Variants in SLC38A10 observed in about 807,000 individuals in gnomAD.
SLC38A10 encodes the protein solute carrier family 38 member 10.
Under a neutral mutation model 81.0 loss-of-function variants are expected in SLC38A10, and 53 were observed. That is an observed-to-expected ratio of 0.65 (90% CI 0.53 to 0.82). The LOEUF (loss-of-function observed/expected upper bound fraction) is 0.82, where lower values mean the gene tolerates loss of function less well. Among genes scored for constraint, SLC38A10 ranks in the 40% least tolerant of loss-of-function variants. The pLI, the probability that SLC38A10 is intolerant of heterozygous loss-of-function variation, is 0.00. For synonymous variants in SLC38A10, 665 were observed against 655.3 expected (o/e 1.01, Z -0.23); for missense variants, 1,471 against 1,545.0 (o/e 0.95, Z 0.80).
intron 8 of SLC38A10, among the ~76,000 whole-genome samples, chr17:81,275,462 G>A (rs946121311): frequency 7.9e-5 from 12 of 152,056 alleles, no homozygotes; most frequent in Admixed American, 2.6e-4. Context: ...GGCCGGGCGC[G>A]GTGGCTCACG....
chr17:81,255,389 C>A (rs953083247), intron 11 of SLC38A10, among the ~76,000 whole-genome samples: 4 of 152,222 alleles, frequency 2.6e-5, no homozygotes, highest in Admixed American at 1.3e-4. Flanking sequence ...AAAACTAACA[C>A]AAAACTTCAA....
Position 81,246,580 on chromosome 17 carries a change from AG to A in SLC38A10, c.2335del (p.Leu779CysfsTer55). 1.3e-6 allele frequency: 2 copies of A among 1,517,040 alleles called. No homozygotes were observed. Among genetic ancestry groups the A allele is most frequent in the Non-Finnish European group, 1.8e-6 (2 of 1,134,832 alleles). The allele number at this position is 1,517,040 out of a possible 1,614,324, so 94.0% of individuals were successfully genotyped here. ...AGCTCTGAGGACAGGGTCCAAAGGCAGGGGAGGCAGATTCTCCACCGTCTCC... is the reference window on the plus strand; with the variant it reads ...AGCTCTGAGGACAGGGTCCAAAGGCAGGGAGGCAGATTCTCCACCGTCTCC... ...ARETVENLPP[L>X]PLDPVLRAPG... is the part of the protein sequence containing the mutation. On this transcript the variant is annotated frameshift_variant, in exon 16 of 16. Coordinates refer to ENST00000374759, the MANE Select transcript of SLC38A10 (RefSeq NM_001037984.3). LOFTEE classifies it low-confidence loss of function (END_TRUNC).
chr17:81,294,751 C>T (rs546394724), intron 1 of SLC38A10, 72 bp downstream of exon 1: 2 of 1,409,262 alleles, frequency 1.4e-6, no homozygotes, highest in East Asian at 2.8e-5. Flanking sequence ...GAACTTTAAC[C>T]AGGACGACCC....
Position 81,245,421 on chromosome 17 carries a change from T to G in SLC38A10, c.*135A>C. 9.3e-7 allele frequency: 1 copy of G among 1,078,926 alleles called. No individual in the cohort carries two copies. Among genetic ancestry groups the G allele is most frequent in the Non-Finnish European group, 1.3e-6 (1 of 756,164 alleles). 66.8% of individuals were successfully genotyped at this position (1,078,926 alleles called of 1,614,324 possible). A position where few individuals can be genotyped will look rare whatever the true frequency, so the allele number is the denominator to read the frequency against. On this transcript the variant is annotated 3_prime_UTR_variant, in exon 16 of 16. Transcript: ENST00000374759. ...AATCTTTTATACTGTCACTCACACT[T>G]GGTGAGGGCCTCAGACATGAAACCC...
chr17:81,274,756 C>A (rs1217947438), intron 8 of SLC38A10, among the ~76,000 whole-genome samples: 2 of 152,106 alleles, frequency 1.3e-5, no homozygotes, highest in Non-Finnish European at 1.5e-5. Flanking sequence ...CGAAAGACAG[C>A]GCAGCGGGCC....
At chr17:81,268,564 C>A (rs923681477) in intron 10 of SLC38A10, among the ~76,000 whole-genome samples, 4 of 151,926 alleles carry the variant, frequency 2.6e-5, no homozygotes, top group African/African-American at 9.7e-5. Flanking sequence ...AGCCACCATG[C>A]CTGGCTCAAT....
At chr17:81,284,941 C>A in intron 2 of SLC38A10, 46 bp from the exon 3 acceptor site, 1 of 1,517,510 alleles carries the variant, frequency 6.6e-7, no homozygotes, top group Non-Finnish European at 8.9e-7. Flanking sequence ...GCGTGAGAAG[C>A]TCGTCCAGAA....
In SLC38A10 at chr17:81,283,273, C is replaced by A. The variant is rs956457088; in HGVS notation, c.357+136G>T. ...AGCAAAGCCCCCGCACTCCACCAAG[C>A]CCCTAGAATGACAGCAGGCTCGACA... is the stretch of plus-strand genomic sequence containing the variant. On this transcript the variant is annotated intron_variant, in intron 4 of 15. Coordinates refer to ENST00000374759, the MANE Select transcript of SLC38A10 (RefSeq NM_001037984.3). The surrounding 1 kb of genome is among the most constrained non-coding windows in gnomAD (Gnocchi z 4.7). The A allele has an allele frequency of 2.7e-6, 2 of 746,086 alleles. No individual in the cohort carries two copies. Among genetic ancestry groups the A allele is most frequent in the African/African-American group, 1.8e-5 (1 of 56,838 alleles). 46.2% of individuals were successfully genotyped at this position (746,086 alleles called of 1,614,324 possible).
Position 81,252,488 on chromosome 17 carries a change from TC to T in SLC38A10, c.1651del (p.Glu551SerfsTer154). ...PLPDSEREKQEPEQGEVGKRP... is the reference protein window; with the variant it reads ...PLPDSEREKQXPEQGEVGKRP... ...CTTCCCAACCTCTCCCTGCTCCGGC[TC>T]TTGTTTCTCTCTTTCTGAGTCGGGC... On this transcript the variant is annotated frameshift_variant, in exon 13 of 16. Transcript: ENST00000374759. LOFTEE classifies it high-confidence loss of function. 1.2e-6 allele frequency: 2 copies of T among 1,613,368 alleles called. No individual in the cohort carries two copies. Among genetic ancestry groups the T allele is most frequent in the Non-Finnish European group, 1.7e-6 (2 of 1,179,996 alleles).
At chr17:81,248,050 C>T (rs183660117) in intron 14 of SLC38A10, among the ~76,000 whole-genome samples, 2,563 of 149,918 alleles carry the variant, frequency 0.017, 36 homozygotes, top group Non-Finnish European at 0.025. Context: ...CTCCGCCTCC[C>T]GGGTTCACGC....
chr17:81,272,036 ATTTT>A (rs754299651), intron 9 of SLC38A10, among the ~76,000 whole-genome samples: 1 of 143,938 alleles, frequency 6.9e-6, no homozygotes, highest in African/African-American at 2.5e-5. Context: ...AAGCTGCCAG[ATTTT>A]TTTTTTTTTG....
rs1260215817 is a variant in SLC38A10 at position 81,283,321 on chromosome 17, C to G, written c.357+88G>C. ...ACAGAAGCTTCTCCCGACCAGCACCCAGGTCTCGGTCCTCGGGAGGATCCC... is the reference window on the plus strand; with the variant it reads ...ACAGAAGCTTCTCCCGACCAGCACCGAGGTCTCGGTCCTCGGGAGGATCCC... On this transcript the variant is annotated intron_variant, in intron 4 of 15. Coordinates refer to ENST00000374759, the MANE Select transcript of SLC38A10 (RefSeq NM_001037984.3). This position sits in a 1 kb window ranked among gnomAD's most constrained non-coding sequence, Gnocchi z 4.7. The G allele has an allele frequency of 8.3e-7, 1 of 1,202,470 alleles. No homozygotes were observed. Among genetic ancestry groups the G allele is most frequent in the Non-Finnish European group, 1.2e-6 (1 of 834,266 alleles). The allele number at this position is 1,202,470 out of a possible 1,614,324, so 74.5% of individuals were successfully genotyped here. A position where few individuals can be genotyped will look rare whatever the true frequency, so the allele number is the denominator to read the frequency against.
rs943576789 is a variant in SLC38A10 at position 81,276,048 on chromosome 17, A to G, written c.833T>C (p.Met278Thr). The change falls in exon 8 of 16, where the codon ATG becomes ACG. Residue 278 changes from methionine (M) to threonine (T), a missense_variant. Around this residue, in one of 2 missense-constraint regions of SLC38A10, gnomAD observed 720 missense variants for 827.7 expected, o/e 0.87. Coordinates refer to ENST00000374759, the MANE Select transcript of SLC38A10 (RefSeq NM_001037984.3). This position sits in a 1 kb window ranked among gnomAD's most constrained non-coding sequence, Gnocchi z 4.7. ...GGGGAAGCCCACAGCCACTGACATC[A>G]TGAAGCCCACACGGAGCATCTCCGT... ...LVTEMLRVGF[M>T]MSVAVGFPMM... 1.2e-6 allele frequency: 2 copies of G among 1,613,872 alleles called. No individual in the cohort carries two copies. Among genetic ancestry groups the G allele is most frequent in the African/African-American group, 2.7e-5 (2 of 74,934 alleles).
At position 81,288,171 on chromosome 17, in the gene SLC38A10, A is replaced by T. The variant is rs2063282861; in HGVS notation, c.217+1520T>A. On this transcript the variant is annotated intron_variant, in intron 2 of 15. Transcript: ENST00000374759. The surrounding 1 kb of genome is among the most constrained non-coding windows in gnomAD (Gnocchi z 5.4). ...AAACGAACGCAGGACTCTCTGTGGC[A>T]ACATGAAGGGGACTGGGAGGAAGTG... is the stretch of plus-strand genomic sequence containing the variant. Among the ~76,000 whole-genome samples the T allele has an allele frequency of 6.6e-6, 1 of 152,242 alleles. No individual in the cohort carries two copies. The highest frequency in any genetic ancestry group is 2.1e-4 in the South Asian group (1 of 4,834).
At position 81,277,600 on chromosome 17, in the gene SLC38A10, C is replaced by T. The variant is rs1263928054; in HGVS notation, c.627-467G>A. Among the ~76,000 whole-genome samples the T allele has an allele frequency of 6.6e-6, 1 of 152,208 alleles. No homozygotes were observed. Among genetic ancestry groups the T allele is most frequent in the Non-Finnish European group, 1.5e-5 (1 of 68,040 alleles). On this transcript the variant is annotated intron_variant, in intron 6 of 15. Transcript: ENST00000374759. The surrounding 1 kb of genome is among the most constrained non-coding windows in gnomAD (Gnocchi z 4.5). ...AGAGTCGGCACAGACAAGGAGGCGG[C>T]CTGGGGCGCGATTCCCCACTGCAGC...
At chr17:81,268,640 C>T (rs1283985782) in intron 10 of SLC38A10, among the ~76,000 whole-genome samples, 1 of 151,608 alleles carries the variant, frequency 6.6e-6, no homozygotes, top group Non-Finnish European at 1.5e-5. Flanking sequence ...ATATCAACTG[C>T]CTAGTATAAT....
intron 11 of SLC38A10, among the ~76,000 whole-genome samples, chr17:81,255,480 G>T (rs978573776): frequency 2.6e-5 from 4 of 152,226 alleles, no homozygotes; most frequent in African/African-American, 9.6e-5. Context: ...AGACAGAAAG[G>T]GGCCCTGTAT....
chr17:81,278,924 C>T lies in SLC38A10; in HGVS notation c.626+1685G>A, dbSNP rs2063184859. The stretch of plus-strand genomic sequence containing the variant: ...TCCTCTCCAATCCTGACCACCTACC[C>T]CAGGGACCCCCGGGATCATCCCTGG... On this transcript the variant is annotated intron_variant, in intron 6 of 15. Coordinates refer to ENST00000374759, the MANE Select transcript of SLC38A10 (RefSeq NM_001037984.3). 2.6e-5 allele frequency among the ~76,000 whole-genome samples: 4 copies of T among 152,300 alleles called. No individual in the cohort carries two copies. In the South Asian group the frequency reaches 8.3e-4, roughly 32 times the overall value.
chr17:81,245,820 C>G lies in SLC38A10; in HGVS notation c.3096G>C (p.Pro1032=). 6.2e-7 allele frequency: 1 copy of G among 1,610,322 alleles called. No homozygotes were observed. The highest frequency in any genetic ancestry group is 8.5e-7 in the Non-Finnish European group (1 of 1,178,182). ...GGTCCCGGTTGGGCTTGGCATTGTC[C>G]GGCCTCTGGCCCCCCGGGACAGCTC... ...LKRAVPGGQR[P]DNAKPNRDLK... Residue 1032 remains proline, a synonymous_variant, in exon 16 of 16, where the codon CCG becomes CCC. Transcript: ENST00000374759.
Sources: gnomAD v4.1 joint callset for allele counts (sites outside exome capture counted in the v4.1 genomes callset) on GRCh38, gnomAD v4.1.1 for gene constraint, gnomAD v4.1.1 regional missense constraint, Gnocchi (gnomAD v3.1) non-coding constraint, MANE v1.5 for transcripts, NCBI Gene and HGNC (gene_info 2026-07-23, HGNC 2026-07-21) for gene names.